The following ZNF511 variants were observed in gnomAD, a reference collection of about 807,000 sequenced individuals.
The protein encoded by ZNF511 is zinc finger protein 511.
ZNF511 carries 26 observed loss-of-function variants against 24.8 expected under a neutral mutation model. That is an observed-to-expected ratio of 1.05 (90% CI 0.77 to 1.46). The LOEUF is 1.46. ZNF511 is among the 40% of genes most tolerant of loss of function. The pLI, the probability that ZNF511 is intolerant of heterozygous loss-of-function variation, is 0.00. For missense variants in ZNF511, 358 were observed against 345.0 expected, an observed-to-expected ratio of 1.04 and a Z score of -0.30; for synonymous variants, 144 against 139.6, an observed-to-expected ratio of 1.03 and a Z score of -0.22.
At chr10:133,310,826 G>C (rs1349866883) in intron 4 of ZNF511, among the ~76,000 whole-genome samples, 1 of 151,454 alleles carries the variant, frequency 6.6e-6, no homozygotes, top group Non-Finnish European at 1.5e-5. Context: ...TTTTGAGACA[G>C]GGTCTTGCTC....
chr10:133,309,571 C>A, intron 2 of ZNF511, 108 bp downstream of exon 2: 1 of 1,367,306 alleles, frequency 7.3e-7, no homozygotes, highest in Non-Finnish European at 1.0e-6. Context: ...GCCGCCCCAC[C>A]GAGGCGCTGT....
Position 133,308,949 on chromosome 10 carries a change from G to C in ZNF511, c.6G>C (p.Gln2His). The C allele has an allele frequency of 2.4e-6, 3 of 1,232,930 alleles. No individual in the cohort carries two copies. Among genetic ancestry groups the C allele is most frequent in the Non-Finnish European group, 3.1e-6 (3 of 981,722 alleles). The allele number at this position is 1,232,930 out of a possible 1,614,324, so 76.4% of individuals were successfully genotyped here. ...GCCCGCCCGCGCCCGGGGTGATGCA[G>C]TTGCCCCCCGCGCTGTGCGCCCGCC... M[Q>H]LPPALCARLA... Residue 2 changes from glutamine to histidine, a missense_variant, in exon 1 of 6, where the codon CAG becomes CAC. Coordinates refer to ENST00000361518, the MANE Select transcript of ZNF511 (RefSeq NM_145806.4).
At position 133,311,698 on chromosome 10, in the gene ZNF511, A is replaced by C. The variant is rs919474103; in HGVS notation, c.555-18A>C. On this transcript the variant is annotated intron_variant, in intron 4 of 5. Transcript: ENST00000361518. ...TGGGAGCCGTGCAGGGCAGTTACTC[A>C]CTGCTCTCTCCCCGCAGCCCAGCCT... 2 of 1,607,252 alleles carry C rather than the reference A, an allele frequency of 1.2e-6. No homozygotes were observed. Among genetic ancestry groups the C allele is most frequent in the Admixed American group, 1.7e-5 (1 of 59,914 alleles).
intron 4 of ZNF511, among the ~76,000 whole-genome samples, chr10:133,311,143 C>T (rs571457703): frequency 2.0e-5 from 3 of 152,126 alleles, no homozygotes; most frequent in Non-Finnish European, 4.4e-5. Context: ...CTTTTTTTAA[C>T]TGATGAGGTG....
Position 133,309,436 on chromosome 10 carries a change from AG to A in ZNF511, c.202del (p.Val68TrpfsTer81), listed in dbSNP as rs1407276763. 6.2e-7 allele frequency: 1 copy of A among 1,612,430 alleles called. No homozygotes were observed. The highest frequency in any genetic ancestry group is 8.5e-7 in the Non-Finnish European group (1 of 1,179,776). ...CTCTACCTCCAGGACGTGATCATGC[AG>A]GTGGCCGACGTGCCTGAGAAGCCCA... ...RHLYLQDVIM[Q>X]VADVPEKPRV... On this transcript the variant is annotated frameshift_variant, in exon 2 of 6. Transcript: ENST00000361518. LOFTEE classifies it high-confidence loss of function.
At chr10:133,309,753 C>A (rs375506916) in intron 2 of ZNF511, 23 bp from the exon 3 acceptor site, 1 of 1,611,640 alleles carries the variant, frequency 6.2e-7, no homozygotes, top group African/African-American at 1.3e-5. Flanking sequence ...AGGAAGGGCT[C>A]CTGAAGCACG....
intron 5 of ZNF511, 124 bp from the exon 6 acceptor site, chr10:133,312,664 C>T: frequency 1.9e-6 from 3 of 1,558,044 alleles, no homozygotes; most frequent in Non-Finnish European, 2.6e-6. Context: ...CCCAGGAGGG[C>T]CGGCTCTGCA....
Position 133,309,961 on chromosome 10 carries a change from C to T in ZNF511, c.413C>T (p.Ser138Phe). 1 of 1,613,172 alleles carries T rather than the reference C, an allele frequency of 6.2e-7. No homozygotes were observed. The highest frequency in any genetic ancestry group is 8.5e-7 in the Non-Finnish European group (1 of 1,179,954). The change falls in exon 3 of 6, where the codon TCT (serine) becomes TTT (phenylalanine). Residue 138 changes from serine to phenylalanine, a missense_variant. By Grantham distance (155) the Ser-to-Phe change is radical. Coordinates refer to ENST00000361518, the MANE Select transcript of ZNF511 (RefSeq NM_145806.4). ...CACGATTCGCTCTTCCAGATCCTGT[C>T]TGAGAGGCAGGACATGGTGGGTGAC... ...EWHDSLFQIL[S>F]ERQDMYQCLV...
At chr10:133,310,649 T>C (rs3008358) in intron 4 of ZNF511, 64,393 of 286,186 alleles carry the variant, frequency 0.23, 9,185 homozygotes, top group African/African-American at 0.46. Flanking sequence ...CGGGGCCGTG[T>C]CTGTACCTCC....
At chr10:133,310,484 T>A in intron 4 of ZNF511, 196 bp downstream of exon 4, 1 of 673,598 alleles carries the variant, frequency 1.5e-6, no homozygotes, top group Non-Finnish European at 2.4e-6. Context: ...GAAGGGAGGC[T>A]GGAGGGGAGC....
At position 133,309,065 on chromosome 10, in the gene ZNF511, T is replaced by C. The variant is rs898891258; in HGVS notation, c.122T>C (p.Val41Ala). Residue 41 changes from valine to alanine, a missense_variant, in exon 1 of 6, where the codon GTG becomes GCG. Transcript: ENST00000361518. ...AAPFRFVARP[V>A]RFPREHQFFE... is the part of the protein sequence containing the mutation. Reference sequence around the variant, plus strand: ...CCCTTTCGCTTCGTTGCGCGCCCCGTGCGCTTCCCGCGGGAGCACCAGTTC... The same window carrying C: ...CCCTTTCGCTTCGTTGCGCGCCCCGCGCGCTTCCCGCGGGAGCACCAGTTC... 1.5e-6 allele frequency: 2 copies of C among 1,294,328 alleles called. No homozygotes were observed. Among genetic ancestry groups the C allele is most frequent in the Non-Finnish European group, 2.0e-6 (2 of 1,016,442 alleles). The allele number at this position is 1,294,328 out of a possible 1,614,324, so 80.2% of individuals were successfully genotyped here.
chr10:133,309,340 G>C (rs779970497), intron 1 of ZNF511, 50 bp from the exon 2 acceptor site: 10 of 1,585,006 alleles, frequency 6.3e-6, no homozygotes, highest in Non-Finnish European at 7.7e-6. Context: ...CTGACGCGGT[G>C]GGCGTGCCGC....
In ZNF511 at chr10:133,311,914, G is replaced by A. The variant is rs749394890; in HGVS notation, c.680+73G>A. On this transcript the variant is annotated intron_variant, in intron 5 of 5. Transcript: ENST00000361518. Reference sequence around the variant, plus strand: ...TGCTGAGGATTCTGGGCTGCACCTGGGCCGCAGCTCTTCTCATACTGAATT... The same window carrying A: ...TGCTGAGGATTCTGGGCTGCACCTGAGCCGCAGCTCTTCTCATACTGAATT... 3.7e-6 allele frequency: 6 copies of A among 1,613,020 alleles called. No individual in the cohort carries two copies. In the African/African-American group the frequency reaches 8.0e-5, roughly 22 times the overall value.
In ZNF511 at chr10:133,312,967, C is replaced by A; in HGVS notation, c.*101C>A. 3.8e-6 allele frequency: 6 copies of A among 1,580,694 alleles called. No individual in the cohort carries two copies. The Admixed American group carries it at 8.8e-5, about 23-fold the overall frequency. On this transcript the variant is annotated 3_prime_UTR_variant, in exon 6 of 6. Transcript: ENST00000361518. ...TGGTGTGGCCGCCCTGGGGGCCAGG[C>A]CCTCGCCATCCTCCCCATCCTTGTT...
intron 3 of ZNF511, 61 bp from the exon 4 acceptor site, chr10:133,310,103 G>A (rs2136152105): frequency 5.0e-6 from 8 of 1,611,862 alleles, no homozygotes; most frequent in Middle Eastern, 1.9e-4. Flanking sequence ...GCTCTGCTAC[G>A]GGGGCATGGC....
At chr10:133,312,542 G>C (rs530800449) in intron 5 of ZNF511, 1 of 1,383,134 alleles carries the variant, frequency 7.2e-7, no homozygotes, top group Non-Finnish European at 9.3e-7. Context: ...CAGAGGGCTT[G>C]GCAGGAGCCG....
chr10:133,312,545 A>T lies in ZNF511; in HGVS notation c.681-243A>T, dbSNP rs907931362. On this transcript the variant is annotated intron_variant, in intron 5 of 5. Transcript: ENST00000361518. The stretch of plus-strand genomic sequence containing the variant: ...AAGTCTCAGCCCCAGAGGGCTTGGC[A>T]GGAGCCGCCCTCTCTGCGGAGTTCT... 4.3e-5 allele frequency: 59 copies of T among 1,387,698 alleles called. No individual in the cohort carries two copies. The African/African-American group carries it at 6.7e-4, about 16-fold the overall frequency. 86.0% of individuals were successfully genotyped at this position (1,387,698 alleles called of 1,614,324 possible). A position where few individuals can be genotyped will look rare whatever the true frequency, so the allele number is the denominator to read the frequency against.
chr10:133,310,517 C>T (rs1267939761), intron 4 of ZNF511: 17 of 566,840 alleles, frequency 3.0e-5, no homozygotes, highest in East Asian at 9.3e-5. Flanking sequence ...AGCTCTGTGC[C>T]GGTGGAGGCA....
At chr10:133,310,114 G>C (rs375387190) in intron 3 of ZNF511, 50 bp from the exon 4 acceptor site, 123 of 1,612,122 alleles carry the variant, frequency 7.6e-5, no homozygotes, top group Non-Finnish European at 9.7e-5. Flanking sequence ...GGGGCATGGC[G>C]GTGGGGGAGG....
Sources: gnomAD v4.1 joint callset for allele counts (sites outside exome capture counted in the v4.1 genomes callset) on GRCh38, gnomAD v4.1.1 for gene constraint, MANE v1.5 for transcripts, NCBI Gene and HGNC (gene_info 2026-07-23, HGNC 2026-07-21) for gene names.